The following NELL2 variants were observed in gnomAD, a reference collection of about 807,000 sequenced individuals.
The protein encoded by NELL2 is neural EGFL like 2, also known as protein kinase C-binding protein NELL2.
NELL2 carries 41 observed loss-of-function variants against 109.6 expected under a neutral mutation model. The ratio of observed to expected loss-of-function variants is 0.37; its 90% CI spans 0.29 to 0.49. NELL2 has a LOEUF of 0.49. Ranked by LOEUF, NELL2 falls within the 20% of genes least tolerant of loss-of-function variation. The pLI is 0.98. For synonymous variants in NELL2, 355 were observed against 344.7 expected (o/e 1.03, Z -0.33); for missense variants, 900 against 1,008.3 (o/e 0.89, Z 1.45).
intron 1 of NELL2, among the ~76,000 whole-genome samples, chr12:44,909,950 CT>C (rs750461438): frequency 5.3e-5 from 8 of 151,864 alleles, no homozygotes; most frequent in Non-Finnish European, 1.0e-4. Context: ...AAATTGGACC[CT>C]TATCTTTTAC....
chr12:44,672,780 C>T (rs185588043), intron 12 of NELL2, among the ~76,000 whole-genome samples: 177 of 152,236 alleles, frequency 1.2e-3, no homozygotes, highest in African/African-American at 3.7e-3. Context: ...GATGATTGTG[C>T]AAGAGTAAAT....
At chr12:44,728,883 T>C (rs1358594260) in intron 9 of NELL2, among the ~76,000 whole-genome samples, 2 of 152,112 alleles carry the variant, frequency 1.3e-5, no homozygotes, top group Non-Finnish European at 2.9e-5. Flanking sequence ...ATAGCCAAAC[T>C]GTCCTTCAAA....
intron 19 of NELL2, among the ~76,000 whole-genome samples, chr12:44,514,876 T>A (rs1941188315): frequency 6.6e-6 from 1 of 151,214 alleles, no homozygotes; most frequent in African/African-American, 2.4e-5. Context: ...AAAATCATAA[T>A]GTTGCAAAGT....
chr12:44,847,674 G>A (rs1944411953), intron 2 of NELL2, among the ~76,000 whole-genome samples: 1 of 151,972 alleles, frequency 6.6e-6, no homozygotes, highest in Admixed American at 6.6e-5. Flanking sequence ...ATGCAAGACT[G>A]GAAAGGGTTG....
intron 9 of NELL2, among the ~76,000 whole-genome samples, chr12:44,720,407 G>T (rs1938704023): frequency 6.6e-6 from 1 of 152,066 alleles, no homozygotes; most frequent in Admixed American, 6.6e-5. Context: ...TGTGGAGTTT[G>T]CATCTTATAA....
intron 9 of NELL2, among the ~76,000 whole-genome samples, chr12:44,729,298 A>G (rs1425336948): frequency 6.6e-6 from 1 of 152,142 alleles, no homozygotes; most frequent in African/African-American, 2.4e-5. Flanking sequence ...ATAGATTGCT[A>G]TATTTTATGT....
chr12:44,773,549 T>C (rs559208337), intron 9 of NELL2, among the ~76,000 whole-genome samples: 81 of 152,238 alleles, frequency 5.3e-4, no homozygotes, highest in African/African-American at 1.9e-3. Flanking sequence ...AAGCCATATA[T>C]GTATATATGG....
intron 9 of NELL2, among the ~76,000 whole-genome samples, chr12:44,728,067 T>C (rs1592410635): frequency 6.6e-6 from 1 of 152,016 alleles, no homozygotes; most frequent in Non-Finnish European, 1.5e-5. Context: ...ATGGCTATTA[T>C]ATGCCAGTCA....
chr12:44,575,977 C>T (rs1001420738), intron 15 of NELL2, among the ~76,000 whole-genome samples: 2 of 152,212 alleles, frequency 1.3e-5, no homozygotes, highest in Non-Finnish European at 2.9e-5. Flanking sequence ...TCTAAAACCT[C>T]ATAATATACC....
intron 15 of NELL2, among the ~76,000 whole-genome samples, chr12:44,576,723 G>C (rs1177487666): frequency 2.0e-5 from 3 of 151,872 alleles, no homozygotes; most frequent in African/African-American, 7.3e-5. Context: ...AGTCCCCAGA[G>C]TGTGATGTTC....
chr12:44,824,713 C>CTT (rs1159134863), intron 2 of NELL2, among the ~76,000 whole-genome samples: 13 of 132,552 alleles, frequency 9.8e-5, no homozygotes, highest in South Asian at 2.4e-4. Context: ...ATTTTATTTA[C>CTT]TTTTTTTTTT....
At chr12:44,671,140 T>C (rs1948124569) in intron 12 of NELL2, among the ~76,000 whole-genome samples, 1 of 151,996 alleles carries the variant, frequency 6.6e-6, no homozygotes, top group South Asian at 2.1e-4. Flanking sequence ...CAACAGAAAT[T>C]CTAGAAATTG....
chr12:44,654,270 T>C (rs1348918662), intron 13 of NELL2, among the ~76,000 whole-genome samples: 1 of 152,234 alleles, frequency 6.6e-6, no homozygotes, highest in Non-Finnish European at 1.5e-5. Flanking sequence ...TGACAGCTTA[T>C]GGGTTTTTCA....
upstream of NELL2, among the ~76,000 whole-genome samples, chr12:44,879,451 C>A (rs1280641904): frequency 6.6e-6 from 1 of 152,084 alleles, no homozygotes; most frequent in Non-Finnish European, 1.5e-5. Flanking sequence ...ACCATATACA[C>A]ATATCAAAGC....
intron 12 of NELL2, among the ~76,000 whole-genome samples, chr12:44,691,771 C>T (rs927291046): frequency 6.6e-6 from 1 of 152,166 alleles, no homozygotes; most frequent in Non-Finnish European, 1.5e-5. Context: ...AAATCAACCA[C>T]AACATTCCCT....
chr12:44,906,874 T>C (rs1434280213), intron 1 of NELL2, among the ~76,000 whole-genome samples: 1 of 152,072 alleles, frequency 6.6e-6, no homozygotes, highest in Middle Eastern at 3.2e-3. Context: ...CATAAGTATG[T>C]AGATGTCTCT....
At chr12:44,713,891 A>G (rs1337091216) in intron 10 of NELL2, among the ~76,000 whole-genome samples, 4 of 151,930 alleles carry the variant, frequency 2.6e-5, no homozygotes, top group African/African-American at 4.8e-5. Context: ...ATACTAAATC[A>G]TTTCCCAAAC....
chr12:44,585,992 C>G (rs951341655), intron 15 of NELL2, among the ~76,000 whole-genome samples: 1 of 151,094 alleles, frequency 6.6e-6, no homozygotes, highest in Non-Finnish European at 1.5e-5. Flanking sequence ...AAATTCACAC[C>G]CATATGCTGT....
At chr12:44,528,327 T>A (rs1370072823) in intron 16 of NELL2, among the ~76,000 whole-genome samples, 1 of 152,130 alleles carries the variant, frequency 6.6e-6, no homozygotes, top group Non-Finnish European at 1.5e-5. Context: ...TCTACTTTGC[T>A]GTCTTCCTAT....
Sources: gnomAD v4.1 joint callset for allele counts (sites outside exome capture counted in the v4.1 genomes callset) on GRCh38, gnomAD v4.1.1 for gene constraint, MANE v1.5 for transcripts, NCBI Gene and HGNC (gene_info 2026-07-23, HGNC 2026-07-21) for gene names.